ZNF91: variants seen among roughly 807,000 people sequenced by gnomAD.
ZNF91 encodes zinc finger protein 91, also known as zinc finger protein 91 (HPF7, HTF10).
A neutral mutation model predicts 12.6 loss-of-function variants in ZNF91; 7 were observed. The ratio of observed to expected loss-of-function variants is 0.55; its 90% CI spans 0.31 to 1.04. The LOEUF (loss-of-function observed/expected upper bound fraction) is 1.04. ZNF91 is among the 50% of genes least tolerant of loss of function. The pLI, the probability that ZNF91 is intolerant of heterozygous loss-of-function variation, is 0.05. For missense variants in ZNF91, 1,217 were observed against 1,385.4 expected (o/e 0.88, Z 1.93); for synonymous variants, 453 against 462.6 (o/e 0.98, Z 0.27).
rs760083984 is a variant in ZNF91 at position 23,306,278 on chromosome 19, A to C, written n.277+1038T>G. ...GAACCCGGACCTGTGTGAGATTGTT[A>C]ATCTCATTATTGGACCTTCCTGCAG... On this transcript the variant is annotated intron_variant and non_coding_transcript_variant, in intron 3 of 3. Coordinates refer to the ZNF91 transcript ENST00000593292. Among the ~76,000 whole-genome samples the C allele has an allele frequency of 3.9e-5, 6 of 152,180 alleles. 1 individual carries two copies.
chr19:23,354,318 A>G (rs556125956), downstream of ZNF91, among the ~76,000 whole-genome samples: 10 of 152,342 alleles, frequency 6.6e-5, no homozygotes, highest in African/African-American at 2.4e-4. Context: ...TAACACACAC[A>G]AGTCAAGAAA....
At chr19:23,343,742 G>C (rs1968167445) in intron 3 of ZNF91, among the ~76,000 whole-genome samples, 1 of 152,186 alleles carries the variant, frequency 6.6e-6, no homozygotes, top group Admixed American at 6.5e-5. Flanking sequence ...TCTGCCCAGA[G>C]AGATAATAAA....
At chr19:23,343,644 G>A (rs1247867532) in intron 3 of ZNF91, among the ~76,000 whole-genome samples, 11 of 152,172 alleles carry the variant, frequency 7.2e-5, no homozygotes, top group Admixed American at 5.9e-4. Context: ...AGCCACTATC[G>A]TGTGTAAGGA....
intron 1 of ZNF91, among the ~76,000 whole-genome samples, chr19:23,319,090 C>T (rs1387535161): frequency 6.6e-6 from 1 of 152,146 alleles, no homozygotes; most frequent in East Asian, 1.9e-4. Flanking sequence ...TGATGCAATC[C>T]TCATTCTTGG....
intron 1 of ZNF91, among the ~76,000 whole-genome samples, chr19:23,323,637 C>CT (rs1967763612): frequency 7.3e-6 from 1 of 137,014 alleles, no homozygotes; most frequent in Non-Finnish European, 1.5e-5. Context: ...TCTCCTCCTC[C>CT]TTCTCTTCTC....
chr19:23,386,745 T>C (rs1260581028), intron 1 of ZNF91, among the ~76,000 whole-genome samples: 2 of 152,100 alleles, frequency 1.3e-5, no homozygotes, highest in African/African-American at 4.8e-5. Flanking sequence ...ACACAGAAAC[T>C]GGCAGAGATT....
intron 1 of ZNF91, among the ~76,000 whole-genome samples, chr19:23,385,732 T>C (rs1599756952): frequency 6.6e-6 from 1 of 152,216 alleles, no homozygotes; most frequent in Admixed American, 6.5e-5. Context: ...CTCTTTTCTA[T>C]ATATTGCTTG....
chr19:23,370,554 G>T (rs1969235277), intron 3 of ZNF91, among the ~76,000 whole-genome samples: 1 of 152,110 alleles, frequency 6.6e-6, no homozygotes, highest in African/African-American at 2.4e-5. Context: ...ACAAGCTTGA[G>T]TAGAGTGGCA....
At chr19:23,384,332 C>A (rs1287725581) in intron 1 of ZNF91, among the ~76,000 whole-genome samples, 1 of 152,084 alleles carries the variant, frequency 6.6e-6, no homozygotes, top group Non-Finnish European at 1.5e-5. Context: ...CTGGCCAGGG[C>A]AGTGCACTCA....
At chr19:23,365,991 T>C (rs1172438814) in intron 3 of ZNF91, among the ~76,000 whole-genome samples, 1 of 152,198 alleles carries the variant, frequency 6.6e-6, no homozygotes, top group African/African-American at 2.4e-5. Context: ...ACAGCAACCA[T>C]CCGATTTCTC....
rs1271820985 is a variant in ZNF91 at position 23,384,927 on chromosome 19, G to A, written c.31-10163C>T. ...CGGTGAACTTTAATTCCAAACAGGA[G>A]TCCTTTCGGCCAGCAAAGTTGCCAA... On this transcript the variant is annotated intron_variant, in intron 1 of 3. Coordinates refer to ENST00000300619, the MANE Select transcript of ZNF91 (RefSeq NM_003430.4). 1.5e-5 allele frequency: 12 copies of A among 792,840 alleles called. No homozygotes were observed. The Admixed American group carries it at 1.7e-4, about 11-fold the overall frequency. 49.1% of individuals were successfully genotyped at this position (792,840 alleles called of 1,614,324 possible).
intron 3 of ZNF91, among the ~76,000 whole-genome samples, chr19:23,351,540 G>A (rs1968367172): frequency 6.6e-6 from 1 of 152,258 alleles, no homozygotes; most frequent in South Asian, 2.1e-4. Flanking sequence ...TTAGGCAAAA[G>A]CATCAGAAGT....
At chr19:23,366,445 C>T (rs1969018757) in intron 3 of ZNF91, among the ~76,000 whole-genome samples, 1 of 152,252 alleles carries the variant, frequency 6.6e-6, no homozygotes, top group South Asian at 2.1e-4. Flanking sequence ...AATAAGAAAA[C>T]AGAAAACCTA....
intron 3 of ZNF91, 51 bp from the exon 4 acceptor site, chr19:23,362,776 C>G (rs1968866357): frequency 7.4e-7 from 1 of 1,342,716 alleles, no homozygotes; most frequent in East Asian, 2.7e-5. Context: ...CCTAGACTCA[C>G]ATGAATATAG....
chr19:23,376,392 C>G (rs772165713), intron 1 of ZNF91, among the ~76,000 whole-genome samples: 13 of 140,878 alleles, frequency 9.2e-5, no homozygotes, highest in Non-Finnish European at 1.1e-4. Flanking sequence ...TTTTTTTTTT[C>G]TCTTTTTTTT....
intron 3 of ZNF91, among the ~76,000 whole-genome samples, chr19:23,306,630 A>G (rs186482261): frequency 2.6e-5 from 4 of 152,302 alleles, no homozygotes; most frequent in Admixed American, 6.5e-5. Flanking sequence ...CCCGAGTTAT[A>G]TAACTCTTGT....
At chr19:23,354,384 G>T (rs2145035119), downstream of ZNF91, among the ~76,000 whole-genome samples, 1 of 152,078 alleles carries the variant, frequency 6.6e-6, no homozygotes. Flanking sequence ...CATCTGAATA[G>T]ATGCAGAAAA....
intron 3 of ZNF91, chr19:23,305,276 A>T (rs1967383146): frequency 6.6e-6 from 1 of 151,832 alleles, no homozygotes; most frequent in Non-Finnish European, 1.5e-5. Flanking sequence ...ATGTCTTATA[A>T]AAAAAAAGGT....
At chr19:23,367,988 C>T (rs1465611684) in intron 3 of ZNF91, among the ~76,000 whole-genome samples, 1 of 152,070 alleles carries the variant, frequency 6.6e-6, no homozygotes, top group Non-Finnish European at 1.5e-5. Flanking sequence ...CGGCTCACTG[C>T]AACCTCTGCC....
Sources: allele counts gnomAD v4.1 joint callset (sites outside exome capture counted in the v4.1 genomes callset), GRCh38; gene constraint gnomAD v4.1.1; transcripts MANE v1.5; gene names NCBI Gene and HGNC (gene_info 2026-07-23, HGNC 2026-07-21).